XPO4: variants seen among roughly 807,000 people sequenced by gnomAD.
XPO4 encodes the protein exportin-4.
XPO4 carries 39 observed loss-of-function variants against 143.0 expected under a neutral mutation model. The observed-to-expected ratio is 0.27, with a 90% CI of 0.21 to 0.36. The LOEUF is 0.36. Ranked by LOEUF, XPO4 falls within the 10% of genes least tolerant of loss-of-function variation. The pLI, the probability that XPO4 is intolerant of heterozygous loss-of-function variation, is 1.00. For missense variants in XPO4, 907 were observed against 1,348.0 expected (o/e 0.67, Z 5.12); for synonymous variants, 439 against 474.0 (o/e 0.93, Z 0.96).
intron 4 of XPO4, among the ~76,000 whole-genome samples, chr13:20,844,405 G>A (rs2060009525): frequency 6.6e-6 from 1 of 152,044 alleles, no homozygotes; most frequent in Non-Finnish European, 1.5e-5. Flanking sequence ...ATACCCAAAA[G>A]TTTTTTAAAT....
intron 4 of XPO4, chr13:20,850,859 G>A: frequency 2.0e-6 from 2 of 985,362 alleles, no homozygotes; most frequent in Middle Eastern, 5.2e-4. Flanking sequence ...GAAGGTTGAT[G>A]GAAATGTCCT....
At chr13:20,810,070 A>G (rs904294443) in intron 9 of XPO4, 103 bp from the exon 10 acceptor site, 3 of 940,178 alleles carry the variant, frequency 3.2e-6, no homozygotes, top group African/African-American at 1.7e-5. Context: ...TTCCTTTAAC[A>G]GAGCTTCCCA....
rs192868888 is a variant in XPO4, at chr13:20,874,358, T to G, written c.70-5657A>C. Among the ~76,000 whole-genome samples the G allele has an allele frequency of 1.5e-3, 230 of 152,332 alleles. 4 individuals carry two copies. The East Asian group carries it at 0.041, about 27-fold the overall frequency. On this transcript the variant is annotated intron_variant, in intron 1 of 22. Coordinates refer to ENST00000255305, the MANE Select transcript of XPO4 (RefSeq NM_022459.5). ...CATTTAAGGATTTCTTAGGTTTAATTTCTTGTTTATCTTTGACAGAGACAG... is the reference window on the plus strand; with the variant it reads ...CATTTAAGGATTTCTTAGGTTTAATGTCTTGTTTATCTTTGACAGAGACAG...
chr13:20,892,267 T>C (rs1047571654), intron 1 of XPO4, among the ~76,000 whole-genome samples: 1 of 152,132 alleles, frequency 6.6e-6, no homozygotes, highest in African/African-American at 2.4e-5. Flanking sequence ...TTTGTATTTT[T>C]AGTAGACATG....
At chr13:20,891,122 T>TAAAAAAAAA (rs57528913) in intron 1 of XPO4, among the ~76,000 whole-genome samples, 4 of 85,970 alleles carry the variant, frequency 4.7e-5, no homozygotes, top group Admixed American at 1.5e-4. Context: ...CATCTCAATT[T>TAAAAAAAAA]AAAAAAAAAA....
chr13:20,884,014 CCT>C (rs2060438450), intron 1 of XPO4, among the ~76,000 whole-genome samples: 1 of 152,212 alleles, frequency 6.6e-6, no homozygotes, highest in Non-Finnish European at 1.5e-5. Context: ...GATCCGCATG[CCT>C]CAGCCTCCTG....
intron 17 of XPO4, 128 bp from the exon 18 acceptor site, chr13:20,796,384 T>A: frequency 4.4e-6 from 3 of 687,166 alleles, no homozygotes; most frequent in Admixed American, 3.7e-5. Flanking sequence ...TAAACTACAT[T>A]AAAACAATAA....
At chr13:20,867,207 A>T (rs925875396) in intron 2 of XPO4, among the ~76,000 whole-genome samples, 1 of 152,184 alleles carries the variant, frequency 6.6e-6, no homozygotes, top group African/African-American at 2.4e-5. Context: ...CCACTGAAAT[A>T]AGTAAATTAA....
chr13:20,857,987 T>C (rs1213731871), intron 3 of XPO4: 12 of 985,058 alleles, frequency 1.2e-5, no homozygotes, highest in Non-Finnish European at 1.4e-5. Context: ...ACATAGCCTA[T>C]AGTATTCTAC....
chr13:20,806,802 CG>C (rs1173697187), intron 13 of XPO4, among the ~76,000 whole-genome samples: 1 of 151,952 alleles, frequency 6.6e-6, no homozygotes, highest in African/African-American at 2.4e-5. Context: ...CTGCCCGCCT[CG>C]GTCTCCCAAA....
intron 1 of XPO4, among the ~76,000 whole-genome samples, chr13:20,887,495 T>C (rs1407297683): frequency 2.0e-5 from 3 of 152,152 alleles, no homozygotes; most frequent in East Asian, 1.9e-4. Flanking sequence ...AAAATAATAA[T>C]GACGATAATA....
At chr13:20,853,091 G>A (rs769810695) in intron 4 of XPO4, 175 of 967,806 alleles carry the variant, frequency 1.8e-4, no homozygotes, top group Non-Finnish European at 2.1e-4. Flanking sequence ...CAGCATTTTG[G>A]AAGGCTGAGG....
rs73437496 is a variant in XPO4 at position 20,893,288 on chromosome 13, T to C, written c.69+9382A>G. ...AGAGGCCTTACATTTTCATTTTCACTGGGCCCTGCAAATTATGTAGGTAGC... is the reference window on the plus strand; with the variant it reads ...AGAGGCCTTACATTTTCATTTTCACCGGGCCCTGCAAATTATGTAGGTAGC... On this transcript the variant is annotated intron_variant, in intron 1 of 22. Coordinates refer to ENST00000255305, the MANE Select transcript of XPO4 (RefSeq NM_022459.5). 3.3e-3 allele frequency among the ~76,000 whole-genome samples: 506 copies of C among 152,326 alleles called. 3 individuals carry two copies. Among genetic ancestry groups the C allele is most frequent in the African/African-American group, 0.011 (462 of 41,578 alleles).
chr13:20,882,949 C>G (rs1166489182), intron 1 of XPO4, among the ~76,000 whole-genome samples: 1 of 152,028 alleles, frequency 6.6e-6, no homozygotes, highest in African/African-American at 2.4e-5. Context: ...CTGCTGTACT[C>G]AGAGCCCCGA....
intron 6 of XPO4, among the ~76,000 whole-genome samples, chr13:20,837,505 A>T (rs2059930006): frequency 6.6e-6 from 1 of 152,076 alleles, no homozygotes; most frequent in Non-Finnish European, 1.5e-5. Context: ...CGCCGGGTTC[A>T]AGCACTTCTC....
chr13:20,891,970 G>A (rs1378750630), intron 1 of XPO4, among the ~76,000 whole-genome samples: 1 of 151,458 alleles, frequency 6.6e-6, no homozygotes, highest in Non-Finnish European at 1.5e-5. Flanking sequence ...CAGACAGGAT[G>A]TTTCACACTG....
chr13:20,802,776 T>TATTGA (rs1285981556), intron 13 of XPO4, among the ~76,000 whole-genome samples: 1 of 152,224 alleles, frequency 6.6e-6, no homozygotes, highest in Non-Finnish European at 1.5e-5. Flanking sequence ...AATGTCTATA[T>TATTGA]ATTGAAAGAT....
Position 20,803,485 on chromosome 13 carries a change from G to A in XPO4, c.1818-2495C>T, listed in dbSNP as rs558526617. ...ACCCAGGGGCCTTTCTTCTACCTCA[G>A]AAATACCTCTCATAACCCAAGAACC... On this transcript the variant is annotated intron_variant, in intron 13 of 22. Transcript: ENST00000255305. This position sits in a 1 kb window ranked among gnomAD's most constrained non-coding sequence, Gnocchi z 4.1. 1.4e-4 allele frequency among the ~76,000 whole-genome samples: 22 copies of A among 152,254 alleles called. No individual in the cohort carries two copies. Among genetic ancestry groups the A allele is most frequent in the African/African-American group, 4.8e-4 (20 of 41,534 alleles).
intron 4 of XPO4, among the ~76,000 whole-genome samples, chr13:20,845,956 C>A (rs141052172): frequency 3.9e-5 from 6 of 152,128 alleles, no homozygotes; most frequent in Admixed American, 6.6e-5. Context: ...ATTATAAACA[C>A]ATCTAAATGT....
Sources: gnomAD v4.1 joint callset for allele counts (sites outside exome capture counted in the v4.1 genomes callset) on GRCh38, gnomAD v4.1.1 for gene constraint, Gnocchi (gnomAD v3.1) non-coding constraint, MANE v1.5 for transcripts, NCBI Gene and HGNC (gene_info 2026-07-23, HGNC 2026-07-21) for gene names.